Variants in GLS observed in about 807,000 individuals in gnomAD.
The protein encoded by GLS is glutaminase, also known as glutaminase kidney isoform, mitochondrial.
GLS carries 36 observed loss-of-function variants against 86.7 expected under a neutral mutation model. The ratio of observed to expected loss-of-function variants is 0.42; its 90% CI spans 0.32 to 0.55. The LOEUF (loss-of-function observed/expected upper bound fraction) is 0.55. Among genes scored for constraint, GLS ranks in the 20% least tolerant of loss-of-function variants. The probability of loss-of-function intolerance (pLI) is 0.17; values close to 1 mark genes in which losing one functional copy is unlikely to be tolerated. For missense variants in GLS, 528 were observed against 833.4 expected, an observed-to-expected ratio of 0.63 and a Z score of 4.51; for synonymous variants, 317 against 305.9, an observed-to-expected ratio of 1.04 and a Z score of -0.38.
chr2:190,953,554 TTTC>T lies in GLS; in HGVS notation c.1651-7_1651-5del. On this transcript the variant is annotated splice_region_variant and splice_polypyrimidine_tract_variant and intron_variant, in intron 14 of 17. Transcript: ENST00000320717. This position sits in a 1 kb window ranked among gnomAD's most constrained non-coding sequence, Gnocchi z 4.0. ...TCTCCTAAGGATGCCTAAACTTTCT[TTTC>T]TTCACAGGTAAAGTCAGTGATAAAT... is the stretch of plus-strand genomic sequence containing the variant. The T allele has an allele frequency of 1.9e-6, 3 of 1,598,298 alleles. No individual in the cohort carries two copies. In the East Asian group the frequency reaches 6.7e-5, roughly 36 times the overall value.
At chr2:190,916,848 T>TA (rs905777004) in intron 7 of GLS, among the ~76,000 whole-genome samples, 5 of 150,646 alleles carry the variant, frequency 3.3e-5, no homozygotes, top group African/African-American at 7.3e-5. Flanking sequence ...GTATTGCATC[T>TA]AAAAAAAAAC....
In GLS at chr2:190,905,987, ATTATT is replaced by A. The variant is rs1353159409; in HGVS notation, c.979+826_979+830del. On this transcript the variant is annotated intron_variant, in intron 6 of 17. Transcript: ENST00000320717. This position sits in a 1 kb window ranked among gnomAD's most constrained non-coding sequence, Gnocchi z 4.6. ...AAAAAATGAAATGTGCCTTATACTCATTATTTTATTAGTTTGTAAGATGAAGTCAT... is the reference window on the plus strand; with the variant it reads ...AAAAAATGAAATGTGCCTTATACTCATTATTAGTTTGTAAGATGAAGTCAT... Among the ~76,000 whole-genome samples, 1 of 151,966 alleles carries A rather than the reference ATTATT, an allele frequency of 6.6e-6. No individual in the cohort carries two copies. The highest frequency in any genetic ancestry group is 1.5e-5 in the Non-Finnish European group (1 of 67,954).
chr2:190,921,215 A>G lies in GLS; in HGVS notation c.1130+12A>G. ...TTCAGTAATGCAACGTGAGTGTTTTAAATACTGTTTTGTTACGTAAAAACA... is the reference window on the plus strand; with the variant it reads ...TTCAGTAATGCAACGTGAGTGTTTTGAATACTGTTTTGTTACGTAAAAACA... On this transcript the variant is annotated intron_variant, in intron 9 of 17. Coordinates refer to ENST00000320717, the MANE Select transcript of GLS (RefSeq NM_014905.5). The surrounding 1 kb of genome is among the most constrained non-coding windows in gnomAD (Gnocchi z 4.2). The G allele has an allele frequency of 6.4e-7, 1 of 1,555,638 alleles. No individual in the cohort carries two copies. The highest frequency in any genetic ancestry group is 8.9e-7 in the Non-Finnish European group (1 of 1,127,278).
chr2:190,904,755 A>G (rs1311837026), intron 5 of GLS, among the ~76,000 whole-genome samples: 1 of 152,180 alleles, frequency 6.6e-6, no homozygotes, highest in Non-Finnish European at 1.5e-5. Flanking sequence ...TGCAAATGCT[A>G]TATCATTGTA....
At chr2:190,942,399 A>T (rs1200046287) in intron 14 of GLS, among the ~76,000 whole-genome samples, 22 of 152,126 alleles carry the variant, frequency 1.4e-4, no homozygotes, top group Admixed American at 1.4e-3. Context: ...AAGACTTTAA[A>T]AAAGGGGAGA....
chr2:190,932,145 G>A (rs1466648174), intron 14 of GLS, among the ~76,000 whole-genome samples: 1 of 151,968 alleles, frequency 6.6e-6, no homozygotes. Context: ...AGTCACTGTA[G>A]ATGAAATATT....
At chr2:190,901,239 C>T (rs557854350) in intron 4 of GLS, among the ~76,000 whole-genome samples, 128 of 151,834 alleles carry the variant, frequency 8.4e-4, no homozygotes, top group Admixed American at 3.8e-3. Context: ...TAAGCGTTAC[C>T]GATAACATAA....
Position 190,962,882 on chromosome 2 carries a change from T to C in GLS, c.1906T>C (p.Phe636Leu). 2 of 1,599,584 alleles carry C rather than the reference T, an allele frequency of 1.3e-6. No homozygotes were observed. The highest frequency in any genetic ancestry group is 1.1e-5 in the South Asian group (1 of 88,158). Residue 636 changes from phenylalanine (F) to leucine (L), a missense_variant, in exon 18 of 18, where the codon TTT becomes CTT. Around this residue, in one of 4 missense-constraint regions of GLS, gnomAD observed 163 missense variants for 429.2 expected, o/e 0.38. Transcript: ENST00000320717. This position sits in a 1 kb window ranked among gnomAD's most constrained non-coding sequence, Gnocchi z 4.2. Reference sequence around the variant, plus strand: ...ACTGCACTTTGGACACCATGATGTATTTAAAATTCTCCAAGAATACCAAGT... The same window carrying C: ...ACTGCACTTTGGACACCATGATGTACTTAAAATTCTCCAAGAATACCAAGT... ...EALHFGHHDV[F>L]KILQEYQVQY...
intron 14 of GLS, among the ~76,000 whole-genome samples, chr2:190,942,036 T>TTG (rs1410636314): frequency 1.3e-5 from 2 of 150,204 alleles, no homozygotes; most frequent in African/African-American, 4.9e-5. Flanking sequence ...ATTTTGGACT[T>TTG]TATTCAGAGT....
rs565700367 is a variant in GLS, at chr2:190,895,841, A to G, written c.605+116A>G. The G allele has an allele frequency of 2.8e-5, 19 of 671,208 alleles. No individual in the cohort carries two copies. The highest frequency in any genetic ancestry group is 1.0e-4 in the Admixed American group (4 of 38,174). 41.6% of individuals were successfully genotyped at this position (671,208 alleles called of 1,614,324 possible). A position where few individuals can be genotyped will look rare whatever the true frequency, so the allele number is the denominator to read the frequency against. On this transcript the variant is annotated intron_variant, in intron 3 of 17. Transcript: ENST00000320717. This position sits in a 1 kb window ranked among gnomAD's most constrained non-coding sequence, Gnocchi z 4.2. ...GCTTCCTGTGTAATGGAAAAAGGGG[A>G]TTTATAAACATCATTTGTTTGAAGA...
intron 6 of GLS, among the ~76,000 whole-genome samples, chr2:190,908,711 G>A (rs1036948621): frequency 3.9e-5 from 6 of 152,244 alleles, no homozygotes; most frequent in African/African-American, 1.4e-4. Flanking sequence ...TTATACTGCA[G>A]TTAGGCTGGT....
intron 1 of GLS, among the ~76,000 whole-genome samples, chr2:190,891,128 A>T (rs1049622176): frequency 1.5e-4 from 23 of 151,904 alleles, no homozygotes; most frequent in African/African-American, 5.6e-4. Context: ...CTAATTACAG[A>T]TTAGAAACTT....
chr2:190,897,750 G>A lies in GLS; in HGVS notation c.605+2025G>A, dbSNP rs1279893870. ...CTCCCTTTCATGCAGCTAGGGAGGA[G>A]ATGTTAAAACATGGGATTCATTTTT... is the stretch of plus-strand genomic sequence containing the variant. On this transcript the variant is annotated intron_variant, in intron 3 of 17. Coordinates refer to ENST00000320717, the MANE Select transcript of GLS (RefSeq NM_014905.5). This position sits in a 1 kb window ranked among gnomAD's most constrained non-coding sequence, Gnocchi z 4.3. 6.6e-6 allele frequency among the ~76,000 whole-genome samples: 1 copy of A among 152,174 alleles called. No individual in the cohort carries two copies. The highest frequency in any genetic ancestry group is 1.5e-5 in the Non-Finnish European group (1 of 68,016).
At chr2:190,925,612 C>T (rs1443544286) in intron 11 of GLS, among the ~76,000 whole-genome samples, 4 of 152,218 alleles carry the variant, frequency 2.6e-5, no homozygotes, top group Non-Finnish European at 5.9e-5. Context: ...GTTCACCTTA[C>T]ATTTGCCTGT....
Position 190,936,463 on chromosome 2 carries a change from T to G in GLS, c.1650+4826T>G, listed in dbSNP as rs117781318. 5.1e-3 allele frequency among the ~76,000 whole-genome samples: 766 copies of G among 151,252 alleles called. 11 individuals are homozygous for G. The East Asian group carries it at 0.055, about 11-fold the overall frequency. On this transcript the variant is annotated intron_variant, in intron 14 of 17. Transcript: ENST00000320717. Reference sequence around the variant, plus strand: ...TTTCACATTGTGTACTATGTATAAATTATTCATTGATCTATTCCTGTTCCA... The same window carrying G: ...TTTCACATTGTGTACTATGTATAAAGTATTCATTGATCTATTCCTGTTCCA...
rs577613578 is a variant in GLS, at chr2:190,922,115, G to T, written c.1130+912G>T. On this transcript the variant is annotated intron_variant, in intron 9 of 17. Coordinates refer to ENST00000320717, the MANE Select transcript of GLS (RefSeq NM_014905.5). The stretch of plus-strand genomic sequence containing the variant: ...ATATTTTAAGCTTGTGTACCATACG[G>T]TCTGTGTTGTAACTTCTCAGTTCTG... Among the ~76,000 whole-genome samples the T allele has an allele frequency of 3.3e-5, 5 of 152,172 alleles. No homozygotes were observed. The South Asian group carries it at 1.0e-3, about 32-fold the overall frequency.
chr2:190,903,509 C>G (rs1350660631), intron 5 of GLS, among the ~76,000 whole-genome samples: 1 of 152,110 alleles, frequency 6.6e-6, no homozygotes, highest in Non-Finnish European at 1.5e-5. Flanking sequence ...AAGCAAATTC[C>G]GGTAGGGAAT....
chr2:190,916,214 CAAAT>C (rs1417780855), intron 7 of GLS, among the ~76,000 whole-genome samples: 9 of 152,160 alleles, frequency 5.9e-5, no homozygotes, highest in African/African-American at 1.9e-4. Flanking sequence ...AAATTATTAG[CAAAT>C]AAATATTTTT....
At chr2:190,933,609 T>C in intron 14 of GLS, 1 of 947,364 alleles carries the variant, frequency 1.1e-6, no homozygotes, top group Non-Finnish European at 1.3e-6. Flanking sequence ...AATAAAAAGC[T>C]ATAATGGTTA....
Sources: allele counts gnomAD v4.1 joint callset (sites outside exome capture counted in the v4.1 genomes callset), GRCh38; gene constraint gnomAD v4.1.1; regional missense constraint gnomAD v4.1.1; non-coding constraint Gnocchi (gnomAD v3.1); transcripts MANE v1.5; gene names NCBI Gene and HGNC (gene_info 2026-07-23, HGNC 2026-07-21).